The following TMEM80 variants were observed in gnomAD, a reference collection of about 807,000 sequenced individuals.
TMEM80 encodes transmembrane protein 80.
A neutral mutation model predicts 13.6 loss-of-function variants in TMEM80; 16 were observed. The observed-to-expected ratio is 1.17, with a 90% CI of 0.79 to 1.78. The LOEUF (loss-of-function observed/expected upper bound fraction) is 1.78, where lower values mean the gene tolerates loss of function less well. TMEM80 is among the 40% of genes most tolerant of loss of function. The pLI is 0.00. For synonymous variants in TMEM80, 92 were observed against 89.5 expected (o/e 1.03, Z -0.16); for missense variants, 167 against 184.6 (o/e 0.90, Z 0.55).
At chr11:697,018 G>A (rs571420298) in intron 1 of TMEM80, among the ~76,000 whole-genome samples, 2 of 151,536 alleles carry the variant, frequency 1.3e-5, no homozygotes, top group African/African-American at 2.4e-5. Flanking sequence ...GTGGTGGTGG[G>A]GGGGGTGGGG....
chr11:699,242 A>C (rs952036547), intron 2 of TMEM80: 1 of 337,034 alleles, frequency 3.0e-6, no homozygotes, highest in Admixed American at 4.3e-5. Context: ...ATGTTTTTTT[A>C]AGGACAGAGC....
downstream of TMEM80, chr11:704,392 G>A (rs1384215415): frequency 3.4e-6 from 4 of 1,183,580 alleles, no homozygotes; most frequent in South Asian, 2.5e-5. Context: ...AGCGGTGGGA[G>A]CACCCAGTTG....
chr11:704,781 G>C (rs1156983985), downstream of TMEM80: 1 of 602,262 alleles, frequency 1.7e-6, no homozygotes, highest in Non-Finnish European at 2.5e-6. Context: ...CTGAGGGCAG[G>C]CTCCGCACTC....
rs1861413253 is a variant in TMEM80, at chr11:700,703, C to T, written c.222C>T (p.Tyr74=). The change falls in exon 4 of 5, where the codon TAC becomes TAT. Residue 74 remains tyrosine, a synonymous_variant. Coordinates refer to ENST00000397510, the MANE Select transcript of TMEM80 (RefSeq NM_001042463.3). The stretch of plus-strand genomic sequence containing the variant: ...GGATTCTAGAAGCAGTTCGGTTATA[C>T]CTGGGTGAGTGGACTGTTAACACCG... The part of the protein sequence containing the change: ...LMGILEAVRL[Y]LGTRGNLTEA... The T allele has an allele frequency of 6.2e-7, 1 of 1,613,682 alleles. No individual in the cohort carries two copies. The highest frequency in any genetic ancestry group is 1.3e-5 in the African/African-American group (1 of 74,894).
rs777292220 is a variant in TMEM80 at position 700,189 on chromosome 11, C to T, written c.87C>T (p.Tyr29=). The stretch of plus-strand genomic sequence containing the variant: ...TGCTGTTTTATCTCAGCGGAACGTA[C>T]TACGCCCTGTATTTCCTCGCCACGC... ...LQMLFYLSGT[Y]YALYFLATLL... The change falls in exon 3 of 5, where the codon TAC becomes TAT. Residue 29 remains tyrosine, a synonymous_variant. Coordinates refer to ENST00000397510, the MANE Select transcript of TMEM80 (RefSeq NM_001042463.3). 1 of 1,614,204 alleles carries T rather than the reference C, an allele frequency of 6.2e-7. No individual in the cohort carries two copies. The highest frequency in any genetic ancestry group is 2.2e-5 in the East Asian group (1 of 44,890).
Position 702,941 on chromosome 11 carries a change from C to G in TMEM80, c.227-4C>G, listed in dbSNP as rs996706507. ...CCTTCCCTCCCCTTTGCTCTGTTCT[C>G]CAGGCACCAGGGGCAACCTGACAGA... is the stretch of plus-strand genomic sequence containing the variant. On this transcript the variant is annotated splice_region_variant and splice_polypyrimidine_tract_variant and intron_variant, in intron 4 of 4. Transcript: ENST00000397510. The G allele has an allele frequency of 6.2e-7, 1 of 1,604,136 alleles. No individual in the cohort carries two copies. Among genetic ancestry groups the G allele is most frequent in the African/African-American group, 1.3e-5 (1 of 74,914 alleles).
chr11:695,984 A>C, intron 1 of TMEM80, 138 bp downstream of exon 1: 4 of 710,832 alleles, frequency 5.6e-6, no homozygotes, highest in Non-Finnish European at 7.8e-6. Context: ...CAGCTCCGTC[A>C]CCCCATCGAG....
At chr11:704,919 C>T, downstream of TMEM80, 1 of 350,044 alleles carries the variant, frequency 2.9e-6, no homozygotes, top group Non-Finnish European at 5.6e-6. Flanking sequence ...GGCACGGGTG[C>T]ACCGAGGGGT....
chr11:699,082 C>T (rs886202195), intron 2 of TMEM80, 194 bp downstream of exon 2: 63 of 658,088 alleles, frequency 9.6e-5, no homozygotes, highest in Admixed American at 1.9e-4. Flanking sequence ...CCATCCCCTA[C>T]CTGCTCAGCC....
At chr11:699,030 TTA>T (rs1564960918) in intron 2 of TMEM80, 142 bp downstream of exon 2, 2 of 983,724 alleles carry the variant, frequency 2.0e-6, no homozygotes, top group African/African-American at 1.6e-5. Flanking sequence ...CTTGACAGAT[TTA>T]GAGAGTTGAT....
intron 1 of TMEM80, among the ~76,000 whole-genome samples, chr11:696,214 G>C (rs1440289106): frequency 6.6e-6 from 1 of 152,178 alleles, no homozygotes; most frequent in Non-Finnish European, 1.5e-5. Context: ...AATCGCGGGC[G>C]CCGGTGCCTC....
downstream of TMEM80, chr11:704,859 C>T (rs747258957): frequency 2.2e-5 from 8 of 363,708 alleles, no homozygotes; most frequent in Non-Finnish European, 3.2e-5. Context: ...TCCTCTCCAG[C>T]GCCTGTTTCC....
chr11:704,377 G>C, downstream of TMEM80: 1 of 1,116,270 alleles, frequency 9.0e-7, no homozygotes, highest in Non-Finnish European at 1.2e-6. Flanking sequence ...GCCTGTCTTC[G>C]TGGAAGCGGT....
downstream of TMEM80, chr11:704,212 C>T (rs1861623433): frequency 2.1e-6 from 2 of 963,896 alleles, no homozygotes; most frequent in Non-Finnish European, 2.7e-6. Context: ...GCCAGCTGGT[C>T]AGTTCCTGGC....
In TMEM80 at chr11:700,781, A is replaced by G. The variant is rs760255951; in HGVS notation, c.226+74A>G. 10 of 1,360,760 alleles carry G rather than the reference A, an allele frequency of 7.3e-6. No individual in the cohort carries two copies. The African/African-American group carries it at 1.4e-4, about 19-fold the overall frequency. 84.3% of individuals were successfully genotyped at this position (1,360,760 alleles called of 1,614,324 possible). The stretch of plus-strand genomic sequence containing the variant: ...CTGTTTCCACAGCCTTTCAAGAGTA[A>G]TTATTTTATAGTGTGGTTCTCAGAG... On this transcript the variant is annotated intron_variant, in intron 4 of 4. Coordinates refer to ENST00000397510, the MANE Select transcript of TMEM80 (RefSeq NM_001042463.3).
At position 699,030 on chromosome 11, in the gene TMEM80, T is replaced by G. The variant is rs143608550; in HGVS notation, c.39+142T>G. 666 of 983,724 alleles carry G rather than the reference T, an allele frequency of 6.8e-4. 2 individuals are homozygous for G. In the African/African-American group the frequency reaches 9.6e-3, roughly 14 times the overall value. 60.9% of individuals were successfully genotyped at this position (983,724 alleles called of 1,614,324 possible). On this transcript the variant is annotated intron_variant, in intron 2 of 4. Transcript: ENST00000397510. The stretch of plus-strand genomic sequence containing the variant: ...GAGAGGGGGGTGTTCCTTGACAGAT[T>G]TAGAGAGTTGATGTAACTTCCTCGG...
At chr11:701,558 C>T (rs563066795) in intron 4 of TMEM80, among the ~76,000 whole-genome samples, 1 of 151,978 alleles carries the variant, frequency 6.6e-6, no homozygotes, top group South Asian at 2.1e-4. Context: ...CTACAGGTGC[C>T]CGCCACCACG....
At chr11:704,758 C>G (rs931298900), downstream of TMEM80, 1 of 764,396 alleles carries the variant, frequency 1.3e-6, no homozygotes, top group Non-Finnish European at 1.9e-6. Context: ...GAGAGGCCAG[C>G]CTGGACTGTC....
Position 703,766 on chromosome 11 carries a change from G to C in TMEM80, c.*616G>C, listed in dbSNP as rs920268760. ...AACAAGCCAACAGCTCTGCTGCCTA[G>C]CAATTTCCATCTTAGCCACACTTCT... On this transcript the variant is annotated 3_prime_UTR_variant, in exon 5 of 5. Transcript: ENST00000397510. 1.5e-5 allele frequency: 19 copies of C among 1,232,988 alleles called. No individual in the cohort carries two copies. The highest frequency in any genetic ancestry group is 1.9e-5 in the Non-Finnish European group (19 of 988,946). 76.4% of individuals were successfully genotyped at this position (1,232,988 alleles called of 1,614,324 possible).
Sources: allele counts gnomAD v4.1 joint callset (sites outside exome capture counted in the v4.1 genomes callset), GRCh38; gene constraint gnomAD v4.1.1; transcripts MANE v1.5; gene names NCBI Gene and HGNC (gene_info 2026-07-23, HGNC 2026-07-21).